Variants in TENT4B observed in about 807,000 individuals in gnomAD.
TENT4B encodes the protein PAP associated domain containing 5.
Under a neutral mutation model 75.0 loss-of-function variants are expected in TENT4B, and 10 were observed. The observed-to-expected ratio is 0.13, with a 90% CI of 0.08 to 0.23. The LOEUF (loss-of-function observed/expected upper bound fraction) is 0.23, where lower values mean the gene tolerates loss of function less well. Among genes scored for constraint, TENT4B ranks in the 10% least tolerant of loss-of-function variants. The probability of loss-of-function intolerance (pLI) is 1.00; values close to 1 mark genes in which losing one functional copy is unlikely to be tolerated. For missense variants in TENT4B, 579 were observed against 893.8 expected, an observed-to-expected ratio of 0.65 and a Z score of 4.49; for synonymous variants, 350 against 357.7, an observed-to-expected ratio of 0.98 and a Z score of 0.24.
At chr16:50,219,093 G>T (rs542000411) in intron 5 of TENT4B, among the ~76,000 whole-genome samples, 11 of 151,214 alleles carry the variant, frequency 7.3e-5, no homozygotes, top group Admixed American at 2.6e-4. Context: ...CTATATTGGG[G>T]GTGTGTGTGT....
intron 1 of TENT4B, among the ~76,000 whole-genome samples, chr16:50,171,654 A>AC (rs1160523972): frequency 6.6e-6 from 1 of 152,046 alleles, no homozygotes; most frequent in African/African-American, 2.4e-5. Context: ...TTTTTTTTCA[A>AC]CCAAACTTGG....
chr16:50,155,272 G>GGTGGGTGTGTGTGTGTGTGTGTGT (rs1555506870), intron 1 of TENT4B, among the ~76,000 whole-genome samples: 2 of 135,372 alleles, frequency 1.5e-5, no homozygotes, highest in African/African-American at 2.8e-5. Flanking sequence ...GGGTCTCGTG[G>GGTGGGTGTGTGTGTGTGTGTGTGT]GTGTGTGTGT....
At chr16:50,204,373 T>C (rs1055511338) in intron 1 of TENT4B, among the ~76,000 whole-genome samples, 15 of 152,182 alleles carry the variant, frequency 9.9e-5, no homozygotes, top group African/African-American at 3.6e-4. Flanking sequence ...TGAAGAAAGG[T>C]GAACCAAGGA....
chr16:50,160,782 A>G (rs923161786), intron 1 of TENT4B, among the ~76,000 whole-genome samples: 10 of 152,202 alleles, frequency 6.6e-5, no homozygotes, highest in Non-Finnish European at 1.3e-4. Flanking sequence ...AAAGTAGAAA[A>G]TCAAGCTTTT....
At chr16:50,159,904 G>A (rs564555633) in intron 1 of TENT4B, among the ~76,000 whole-genome samples, 2 of 151,600 alleles carry the variant, frequency 1.3e-5, no homozygotes, top group Non-Finnish European at 2.9e-5. Context: ...GTTTTGTTTT[G>A]TTTTTGTTTT....
Position 50,221,972 on chromosome 16 carries a change from C to T in TENT4B, c.1039-334C>T, listed in dbSNP as rs2031850621. Among the ~76,000 whole-genome samples the T allele has an allele frequency of 2.6e-5, 4 of 152,202 alleles. No individual in the cohort carries two copies. The South Asian group carries it at 8.3e-4, about 32-fold the overall frequency. ...AGAGATAGGCGTTTCACCATGTTGG[C>T]CAGGCTGGTCTCGAACTCCTGACCT... On this transcript the variant is annotated intron_variant, in intron 5 of 11. Transcript: ENST00000561678.
chr16:50,176,189 C>G (rs1049380588), intron 1 of TENT4B, among the ~76,000 whole-genome samples: 5 of 150,708 alleles, frequency 3.3e-5, no homozygotes, highest in African/African-American at 4.9e-5. Flanking sequence ...TGGACTCAAG[C>G]TGTCCTCCCA....
At chr16:50,216,007 G>A in intron 3 of TENT4B, 68 bp from the exon 4 acceptor site, 1 of 1,590,540 alleles carries the variant, frequency 6.3e-7, no homozygotes, top group South Asian at 1.1e-5. Context: ...AAGTCTATAA[G>A]CATGAGTGTC....
At position 50,232,289 on chromosome 16, in the gene TENT4B, A is replaced by G. The variant is rs2032320331; in HGVS notation, c.*2961A>G. 2.1e-5 allele frequency: 21 copies of G among 985,176 alleles called. No individual in the cohort carries two copies. The highest frequency in any genetic ancestry group is 2.5e-5 in the Non-Finnish European group (21 of 829,902). 61.0% of individuals were successfully genotyped at this position (985,176 alleles called of 1,614,324 possible). A position where few individuals can be genotyped will look rare whatever the true frequency, so the allele number is the denominator to read the frequency against. On this transcript the variant is annotated 3_prime_UTR_variant, in exon 12 of 12. Transcript: ENST00000561678. ...AATCTAGCTTGGATCTGTAGGACCT[A>G]TGTTTTTTACAAGTAATTGCCCTCC...
chr16:50,193,847 C>G (rs2030022075), intron 1 of TENT4B, among the ~76,000 whole-genome samples: 1 of 152,182 alleles, frequency 6.6e-6, no homozygotes. Flanking sequence ...GTCATACTCT[C>G]TCATTGCCCT....
At chr16:50,164,182 A>G (rs2038055918) in intron 1 of TENT4B, among the ~76,000 whole-genome samples, 1 of 152,058 alleles carries the variant, frequency 6.6e-6, no homozygotes, top group Non-Finnish European at 1.5e-5. Flanking sequence ...ATAAAAAAGA[A>G]AGAAAGAAAG....
intron 1 of TENT4B, among the ~76,000 whole-genome samples, chr16:50,202,001 A>G (rs13332968): frequency 0.062 from 9,444 of 152,156 alleles, 470 homozygotes; most frequent in African/African-American, 0.13. Context: ...GCACTTAGCC[A>G]AAAGATTTCA....
intron 1 of TENT4B, among the ~76,000 whole-genome samples, chr16:50,182,980 A>T (rs1468148325): frequency 7.7e-6 from 1 of 129,904 alleles, no homozygotes; most frequent in Non-Finnish European, 1.5e-5. Flanking sequence ...CAGCCTCCGG[A>T]GTAGCTGGGA....
intron 1 of TENT4B, among the ~76,000 whole-genome samples, chr16:50,206,322 A>T (rs1319321849): frequency 6.6e-6 from 1 of 150,928 alleles, no homozygotes; most frequent in Non-Finnish European, 1.5e-5. Flanking sequence ...ATTGGATATC[A>T]TGAACCTTAA....
In TENT4B at chr16:50,231,489, C is replaced by T. The variant is rs944256504; in HGVS notation, c.*2161C>T. 2 of 985,596 alleles carry T rather than the reference C, an allele frequency of 2.0e-6. No homozygotes were observed. The highest frequency in any genetic ancestry group is 3.5e-5 in the African/African-American group (2 of 57,180). 61.1% of individuals were successfully genotyped at this position (985,596 alleles called of 1,614,324 possible). A position where few individuals can be genotyped will look rare whatever the true frequency, so the allele number is the denominator to read the frequency against. On this transcript the variant is annotated 3_prime_UTR_variant, in exon 12 of 12. Transcript: ENST00000561678. ...TTTTTTGTTTGTTTTTAAAGAATCA[C>T]CCTCATTGTTGAAAGTAAATGTACT...
upstream of TENT4B, among the ~76,000 whole-genome samples, chr16:50,153,183 T>TGGGGGGGGGGGGGGGG (rs760198722): frequency 9.5e-5 from 2 of 21,116 alleles, no homozygotes; most frequent in African/African-American, 1.9e-4. Flanking sequence ...GGCGGGGCGG[T>TGGGGGGGGGGGGGGGG]GGGGGGGGGG....
intron 1 of TENT4B, among the ~76,000 whole-genome samples, chr16:50,189,622 C>T (rs2038600824): frequency 6.6e-6 from 1 of 150,554 alleles, no homozygotes; most frequent in Non-Finnish European, 1.5e-5. Flanking sequence ...TATAACACAT[C>T]TTATTTATCT....
chr16:50,193,735 T>C (rs2030014676), intron 1 of TENT4B, among the ~76,000 whole-genome samples: 2 of 152,070 alleles, frequency 1.3e-5, no homozygotes, highest in African/African-American at 4.8e-5. Flanking sequence ...GGAATGTAGG[T>C]AATGAGGAGG....
At chr16:50,216,018 A>T in intron 3 of TENT4B, 57 bp from the exon 4 acceptor site, 5 of 1,605,126 alleles carry the variant, frequency 3.1e-6, no homozygotes, top group Non-Finnish European at 4.3e-6. Context: ...CATGAGTGTC[A>T]GTTAAAACAA....
Sources: allele counts gnomAD v4.1 joint callset (sites outside exome capture counted in the v4.1 genomes callset), GRCh38; gene constraint gnomAD v4.1.1; transcripts MANE v1.5; gene names NCBI Gene and HGNC (gene_info 2026-07-23, HGNC 2026-07-21).